Variants in ANKRD54 observed in about 807,000 individuals in gnomAD.
ANKRD54 encodes the protein ankyrin repeat domain 54.
In ANKRD54, 26 loss-of-function variants were observed where a neutral mutation model predicts 36.2. The observed-to-expected ratio is 0.72, with a 90% CI of 0.53 to 1.00. The LOEUF (loss-of-function observed/expected upper bound fraction) is 1.00. ANKRD54 is among the 50% of genes least tolerant of loss of function. ANKRD54 has a pLI of 0.00. For missense variants in ANKRD54, 384 were observed against 424.3 expected (o/e 0.91, Z 0.83); for synonymous variants, 209 against 188.4 (o/e 1.11, Z -0.89).
Position 37,831,804 on chromosome 22 carries a change from C to T in ANKRD54, c.*139G>A. 3 of 797,908 alleles carry T rather than the reference C, an allele frequency of 3.8e-6. No individual in the cohort carries two copies. In the South Asian group the frequency reaches 5.2e-5, roughly 14 times the overall value. 49.4% of individuals were successfully genotyped at this position (797,908 alleles called of 1,614,324 possible). A position where few individuals can be genotyped will look rare whatever the true frequency, so the allele number is the denominator to read the frequency against. On this transcript the variant is annotated 3_prime_UTR_variant, in exon 8 of 8. Coordinates refer to ENST00000215941, the MANE Select transcript of ANKRD54 (RefSeq NM_138797.4). The stretch of plus-strand genomic sequence containing the variant: ...GGCCGTGGAGAGAGAGCATCTCTGC[C>T]CCACGGCATCTGCGGGTGAGGGCAA...
rs1487344942 is a variant in ANKRD54 at position 37,833,080 on chromosome 22, C to T, written c.598G>A (p.Ala200Thr). Reference sequence around the variant, plus strand: ...GCTCGGTCCAGGGCATCTACACGGGCCCCTGCAGGTACCAGCTGAGGTGAG... The same window carrying T: ...GCTCGGTCCAGGGCATCTACACGGGTCCCTGCAGGTACCAGCTGAGGTGAG... ...PVITTLLRGG[A>T]RVDALDRAGR... Residue 200 changes from alanine (A) to threonine (T), a missense_variant and splice_region_variant, in exon 6 of 8, where the codon GCC becomes ACC. Physicochemically the swap from Ala to Thr is moderately conservative, Grantham distance 58. Transcript: ENST00000215941. 6.2e-7 allele frequency: 1 copy of T among 1,613,970 alleles called. No individual in the cohort carries two copies. Among genetic ancestry groups the T allele is most frequent in the Non-Finnish European group, 8.5e-7 (1 of 1,180,014 alleles).
upstream of ANKRD54, among the ~76,000 whole-genome samples, chr22:37,846,180 G>GAA (rs71195060): frequency 6.8e-6 from 1 of 146,894 alleles, no homozygotes; most frequent in Non-Finnish European, 1.5e-5. Flanking sequence ...ATCTCAAAAA[G>GAA]AAAAAAAAAA....
At chr22:37,841,173 C>T (rs1924194196) in intron 1 of ANKRD54, among the ~76,000 whole-genome samples, 1 of 151,386 alleles carries the variant, frequency 6.6e-6, no homozygotes, top group Non-Finnish European at 1.5e-5. Flanking sequence ...AGGTGGATCA[C>T]TTGAGGCCAG....
At chr22:37,844,745 T>C (rs1454567438), upstream of ANKRD54, among the ~76,000 whole-genome samples, 1 of 152,104 alleles carries the variant, frequency 6.6e-6, no homozygotes, top group Non-Finnish European at 1.5e-5. Context: ...AATTTTTGTA[T>C]TTTTAGTAGA....
At chr22:37,832,098 C>T in intron 7 of ANKRD54, 81 bp from the exon 8 acceptor site, 1 of 1,363,658 alleles carries the variant, frequency 7.3e-7, no homozygotes, top group African/African-American at 1.4e-5. Context: ...CCCACAGGCA[C>T]AGAACACAGG....
chr22:37,846,551 T>G (rs1924853594), upstream of ANKRD54, among the ~76,000 whole-genome samples: 1 of 152,206 alleles, frequency 6.6e-6, no homozygotes, highest in South Asian at 2.1e-4. Context: ...GGGATCCTCC[T>G]GCCTCCACAT....
At position 37,832,129 on chromosome 22, in the gene ANKRD54, C is replaced by G. The variant is rs750135116; in HGVS notation, c.829-112G>C. On this transcript the variant is annotated intron_variant, in intron 7 of 7. Transcript: ENST00000215941. ...ACAGGCACGGTCTCTCCTCCCAGGG[C>G]GTGTGGTGGCTTCTGACTACGCAGC... 187 of 1,010,340 alleles carry G rather than the reference C, an allele frequency of 1.9e-4. 1 individual carries two copies. Among genetic ancestry groups the G allele is most frequent in the Non-Finnish European group, 2.6e-4 (174 of 681,588 alleles). 62.6% of individuals were successfully genotyped at this position (1,010,340 alleles called of 1,614,324 possible). A position where few individuals can be genotyped will look rare whatever the true frequency, so the allele number is the denominator to read the frequency against.
chr22:37,833,567 A>C, intron 4 of ANKRD54, 117 bp downstream of exon 4: 1 of 1,110,432 alleles, frequency 9.0e-7, no homozygotes, highest in Non-Finnish European at 1.3e-6. Flanking sequence ...GTGCAGGCCT[A>C]GGATCTTCCC....
At position 37,843,990 on chromosome 22, in the gene ANKRD54, G is replaced by A; in HGVS notation, c.249C>T (p.Arg83=). 4 of 1,425,034 alleles carry A rather than the reference G, an allele frequency of 2.8e-6. No homozygotes were observed. The highest frequency in any genetic ancestry group is 3.7e-6 in the Non-Finnish European group (4 of 1,093,870). 88.3% of individuals were successfully genotyped at this position (1,425,034 alleles called of 1,614,324 possible). A position where few individuals can be genotyped will look rare whatever the true frequency, so the allele number is the denominator to read the frequency against. Residue 83 remains arginine, a synonymous_variant, in exon 1 of 8, where the codon CGC becomes CGT. Coordinates refer to ENST00000215941, the MANE Select transcript of ANKRD54 (RefSeq NM_138797.4). The part of the protein sequence containing the change: ...QQDAEPRDEL[R]CKIPAGRLRR... Reference sequence around the variant, plus strand: ...TCAGCCGGCCAGCGGGTATCTTGCAGCGCAGCTCGTCGCGCGGCTCCGCAT... The same window carrying A: ...TCAGCCGGCCAGCGGGTATCTTGCAACGCAGCTCGTCGCGCGGCTCCGCAT...
chr22:37,847,163 CTTTTTTCTTTTT>C (rs1051973290), upstream of ANKRD54, among the ~76,000 whole-genome samples: 1 of 145,550 alleles, frequency 6.9e-6, no homozygotes, highest in Non-Finnish European at 1.5e-5. Flanking sequence ...AATTTCTTTT[CTTTTTTCTTTTT>C]TTTTTTGAGG....
intron 1 of ANKRD54, 97 bp downstream of exon 1, chr22:37,843,814 G>A (rs1924586588): frequency 1.1e-6 from 1 of 938,448 alleles, no homozygotes; most frequent in African/African-American, 1.7e-5. Flanking sequence ...CCGGCTGAGG[G>A]TCGGGGGCGA....
intron 1 of ANKRD54, 168 bp downstream of exon 1, chr22:37,843,743 C>T: frequency 5.5e-6 from 2 of 361,784 alleles, no homozygotes; most frequent in East Asian, 5.0e-5. Flanking sequence ...CCATCATCAC[C>T]ATCGTTACTG....
chr22:37,837,166 C>T (rs1011838564), intron 3 of ANKRD54, among the ~76,000 whole-genome samples: 2 of 151,980 alleles, frequency 1.3e-5, no homozygotes, highest in Non-Finnish European at 2.9e-5. Context: ...CTGGCAGGGA[C>T]GTAGGGAAAG....
chr22:37,837,890 T>G (rs1296665596), intron 3 of ANKRD54, among the ~76,000 whole-genome samples: 3 of 152,080 alleles, frequency 2.0e-5, no homozygotes, highest in Admixed American at 2.0e-4. Flanking sequence ...TCCCAGCACT[T>G]TGGGAAGCCG....
intron 2 of ANKRD54, 71 bp from the exon 3 acceptor site, chr22:37,838,669 A>T (rs113519159): frequency 3.4e-6 from 5 of 1,486,020 alleles, no homozygotes; most frequent in African/African-American, 2.8e-5. Flanking sequence ...GACCCGAGCG[A>T]TGGAGAGGGA....
At chr22:37,840,843 C>T (rs1314817612) in intron 1 of ANKRD54, among the ~76,000 whole-genome samples, 2 of 151,788 alleles carry the variant, frequency 1.3e-5, no homozygotes, top group Non-Finnish European at 2.9e-5. Flanking sequence ...GCCAAAATCG[C>T]GCCACTGCAC....
chr22:37,843,180 T>C (rs1277539532), intron 1 of ANKRD54, among the ~76,000 whole-genome samples: 2 of 152,202 alleles, frequency 1.3e-5, no homozygotes, highest in African/African-American at 2.4e-5. Flanking sequence ...GCCAGTACTT[T>C]GGGAGGCCGA....
intron 3 of ANKRD54, among the ~76,000 whole-genome samples, chr22:37,836,175 G>A (rs1307765937): frequency 1.3e-5 from 2 of 150,180 alleles, no homozygotes; most frequent in Non-Finnish European, 3.0e-5. Context: ...GGCCAGGTGC[G>A]GTGGCTCACG....
At chr22:37,847,754 G>A (rs1375125847), upstream of ANKRD54, 1 of 439,244 alleles carries the variant, frequency 2.3e-6, no homozygotes, top group South Asian at 1.8e-5. Context: ...GGAAGGTCCT[G>A]AACCAAATCG....
Sources: allele counts gnomAD v4.1 joint callset (sites outside exome capture counted in the v4.1 genomes callset), GRCh38; gene constraint gnomAD v4.1.1; transcripts MANE v1.5; gene names NCBI Gene and HGNC (gene_info 2026-07-23, HGNC 2026-07-21).